ZZZ3: variants seen among roughly 807,000 people sequenced by gnomAD.
The protein encoded by ZZZ3 is zinc finger ZZ-type containing 3.
ZZZ3 carries 22 observed loss-of-function variants against 95.2 expected under a neutral mutation model. The observed-to-expected ratio is 0.23, with a 90% CI of 0.17 to 0.33. The LOEUF is 0.33. Ranked by LOEUF, ZZZ3 falls within the 10% of genes least tolerant of loss-of-function variation. ZZZ3 has a pLI of 1.00. For synonymous variants in ZZZ3, 335 were observed against 358.9 expected (o/e 0.93, Z 0.75); for missense variants, 885 against 1,066.5 (o/e 0.83, Z 2.37).
At chr1:77,629,373 T>C (rs1667592285) in intron 5 of ZZZ3, among the ~76,000 whole-genome samples, 1 of 152,112 alleles carries the variant, frequency 6.6e-6, no homozygotes, top group Non-Finnish European at 1.5e-5. Flanking sequence ...ATCCCAGCAC[T>C]TTGGGAGGCC....
At chr1:77,590,042 C>T (rs1212169702) in intron 5 of ZZZ3, among the ~76,000 whole-genome samples, 2 of 152,054 alleles carry the variant, frequency 1.3e-5, no homozygotes, top group Admixed American at 1.3e-4. Flanking sequence ...AAAATATCAG[C>T]CTGATTCTTC....
At chr1:77,639,884 C>T (rs1411343798) in intron 3 of ZZZ3, among the ~76,000 whole-genome samples, 1 of 150,416 alleles carries the variant, frequency 6.6e-6, no homozygotes, top group Non-Finnish European at 1.5e-5. Context: ...CTTTTCTAGA[C>T]ATTGCTCTAA....
intron 4 of ZZZ3, 146 bp from the exon 5 acceptor site, chr1:77,633,551 G>T: frequency 2.0e-6 from 1 of 499,108 alleles, no homozygotes. Context: ...TAAATTATGT[G>T]ATAAAAATTC....
chr1:77,671,586 C>T (rs988746165), intron 1 of ZZZ3, among the ~76,000 whole-genome samples: 4 of 152,106 alleles, frequency 2.6e-5, no homozygotes, highest in African/African-American at 9.7e-5. Context: ...TATGAAACCC[C>T]TCTGCTTTGA....
At chr1:77,676,793 G>A (rs1428877552) in intron 1 of ZZZ3, among the ~76,000 whole-genome samples, 1 of 151,912 alleles carries the variant, frequency 6.6e-6, no homozygotes, top group Non-Finnish European at 1.5e-5. Flanking sequence ...TGATTAAAAT[G>A]TAAAAATGAA....
intron 12 of ZZZ3, among the ~76,000 whole-genome samples, chr1:77,572,702 T>C (rs985706348): frequency 6.6e-6 from 1 of 152,074 alleles, no homozygotes; most frequent in Non-Finnish European, 1.5e-5. Flanking sequence ...AGTGGCGTCA[T>C]CCAGGTTCAC....
intron 1 of ZZZ3, among the ~76,000 whole-genome samples, chr1:77,658,136 G>A (rs930402932): frequency 4.6e-5 from 6 of 131,458 alleles, no homozygotes; most frequent in East Asian, 2.4e-4. Context: ...CTGAGATTAC[G>A]CCACTGCATT....
At chr1:77,566,771 T>G (rs944589392) in intron 13 of ZZZ3, among the ~76,000 whole-genome samples, 2 of 152,226 alleles carry the variant, frequency 1.3e-5, no homozygotes, top group African/African-American at 4.8e-5. Context: ...ATGCCCATCA[T>G]GTCAAAAAGG....
Position 77,581,837 on chromosome 1 carries a change from G to T in ZZZ3, c.1847C>A (p.Ser616Tyr). ...CAAAGGCAACATAGAATATGAAAGG[G>T]ACTCTCCATCCTTCTTAGGATCTAA... ...SPLDPKKDGE[S>Y]LSYSMLPLSD... Residue 616 changes from serine to tyrosine, a missense_variant, in exon 8 of 15, where the codon TCC (serine) becomes TAC (tyrosine). Physicochemically the swap from Ser to Tyr is moderately radical, Grantham distance 144. Transcript: ENST00000370801. The T allele has an allele frequency of 6.2e-7, 1 of 1,614,050 alleles. No homozygotes were observed. The highest frequency in any genetic ancestry group is 8.5e-7 in the Non-Finnish European group (1 of 1,179,958).
intron 5 of ZZZ3, among the ~76,000 whole-genome samples, chr1:77,617,972 G>C (rs779700430): frequency 6.6e-6 from 1 of 151,946 alleles, no homozygotes; most frequent in Non-Finnish European, 1.5e-5. Flanking sequence ...ATGTGGAATT[G>C]CTGAATCATA....
Position 77,633,426 on chromosome 1 carries a change from T to C in ZZZ3, c.-51-21A>G, listed in dbSNP as rs1668008811. ...GAAACCTTCAAAAATGTAAACAAAA[T>C]AATGAGAAAAAGGTAATAGTTAATA... is the stretch of plus-strand genomic sequence containing the variant. On this transcript the variant is annotated intron_variant, in intron 4 of 14. Coordinates refer to ENST00000370801, the MANE Select transcript of ZZZ3 (RefSeq NM_015534.6). 4.0e-6 allele frequency: 6 copies of C among 1,486,034 alleles called. No individual in the cohort carries two copies. The Middle Eastern group carries it at 5.4e-4, about 133-fold the overall frequency. 92.1% of individuals were successfully genotyped at this position (1,486,034 alleles called of 1,614,324 possible). A position where few individuals can be genotyped will look rare whatever the true frequency, so the allele number is the denominator to read the frequency against.
At chr1:77,645,021 C>G (rs1308299454) in intron 1 of ZZZ3, among the ~76,000 whole-genome samples, 1 of 151,818 alleles carries the variant, frequency 6.6e-6, no homozygotes, top group Non-Finnish European at 1.5e-5. Flanking sequence ...GCCAGGAGTT[C>G]GAGACCAGCT....
chr1:77,663,526 C>G (rs986052458), intron 1 of ZZZ3, among the ~76,000 whole-genome samples: 8 of 152,146 alleles, frequency 5.3e-5, no homozygotes, highest in Non-Finnish European at 8.8e-5. Context: ...CTTGACATAT[C>G]TATCTTTTCA....
At position 77,592,809 on chromosome 1, in the gene ZZZ3, G is replaced by A. The variant is rs138992821; in HGVS notation, c.1506-8154C>T. 1.4e-3 allele frequency among the ~76,000 whole-genome samples: 210 copies of A among 152,210 alleles called. 1 individual carries two copies. The highest frequency in any genetic ancestry group is 4.8e-3 in the African/African-American group (200 of 41,514). On this transcript the variant is annotated intron_variant, in intron 5 of 14. Transcript: ENST00000370801. ...AAATTTTCACTTCTGGAAAACAGACGAGGCAAATTCAGAACAAACTCTTCC... is the reference window on the plus strand; with the variant it reads ...AAATTTTCACTTCTGGAAAACAGACAAGGCAAATTCAGAACAAACTCTTCC...
intron 3 of ZZZ3, among the ~76,000 whole-genome samples, chr1:77,640,179 GAAC>G (rs1166561324): frequency 3.3e-5 from 5 of 152,090 alleles, no homozygotes; most frequent in African/African-American, 1.2e-4. Context: ...ACAAGAACAA[GAAC>G]AACAAGGATT....
rs751236827 is a variant in ZZZ3, at chr1:77,581,041, G to A, written c.1937C>T (p.Thr646Ile). 8 of 1,613,928 alleles carry A rather than the reference G, an allele frequency of 5.0e-6. No individual in the cohort carries two copies. The highest frequency in any genetic ancestry group is 5.9e-6 in the Non-Finnish European group (7 of 1,179,986). Residue 646 changes from threonine (T) to isoleucine (I), a missense_variant, in exon 9 of 15, where the codon ACC becomes ATC. Around this residue, in one of 5 missense-constraint regions of ZZZ3, gnomAD observed 99 missense variants for 119.8 expected, o/e 0.83. Coordinates refer to ENST00000370801, the MANE Select transcript of ZZZ3 (RefSeq NM_015534.6). ...CAACTGGTTAAATGTTTCAGGTTTG[G>A]TATCATCACACAAGCGTCCTCTTAT... ...QMIRGRLCDD[T>I]KPETFNQLWT... is the part of the protein sequence containing the mutation.
chr1:77,659,936 G>A (rs1039244468), intron 1 of ZZZ3, among the ~76,000 whole-genome samples: 2 of 152,012 alleles, frequency 1.3e-5, no homozygotes, highest in African/African-American at 2.4e-5. Flanking sequence ...GGGCTCAAGC[G>A]ATACTCCTGC....
At chr1:77,646,254 C>G (rs1044071121) in intron 1 of ZZZ3, among the ~76,000 whole-genome samples, 4 of 152,026 alleles carry the variant, frequency 2.6e-5, no homozygotes, top group Non-Finnish European at 4.4e-5. Flanking sequence ...GGGTCTCACT[C>G]TGTTGCCCAG....
At chr1:77,595,475 T>C (rs2100642626) in intron 5 of ZZZ3, among the ~76,000 whole-genome samples, 1 of 152,104 alleles carries the variant, frequency 6.6e-6, no homozygotes, top group East Asian at 1.9e-4. Context: ...ATATCAAATA[T>C]TACACCTTAT....
Sources: gnomAD v4.1 joint callset for allele counts (sites outside exome capture counted in the v4.1 genomes callset) on GRCh38, gnomAD v4.1.1 for gene constraint, gnomAD v4.1.1 regional missense constraint, MANE v1.5 for transcripts, NCBI Gene and HGNC (gene_info 2026-07-23, HGNC 2026-07-21) for gene names.